RBL1: variants seen among roughly 807,000 people sequenced by gnomAD.
The protein encoded by RBL1 is retinoblastoma-like protein 1.
Under a neutral mutation model 123.0 loss-of-function variants are expected in RBL1, and 82 were observed. That is an observed-to-expected ratio of 0.67 (90% CI 0.56 to 0.80). RBL1 has a LOEUF of 0.80. Ranked by LOEUF, RBL1 falls within the 30% of genes least tolerant of loss-of-function variation. The pLI, the probability that RBL1 is intolerant of heterozygous loss-of-function variation, is 0.00. For synonymous variants in RBL1, 405 were observed against 441.3 expected, an observed-to-expected ratio of 0.92 and a Z score of 1.03; for missense variants, 1,171 against 1,299.6, an observed-to-expected ratio of 0.90 and a Z score of 1.52.
rs2063918538 is a variant in RBL1 at position 36,998,886 on chromosome 20, C to T, written c.3080G>A (p.Arg1027Lys). ...GATGGCTATTACTCGCTTCTTGGTT[C>T]TCTGCTCACCTTGCCTTATCATGTT... ...INNMIRQGEQ[R>K]TKKRVIAIDS... Residue 1027 changes from arginine to lysine, a missense_variant, in exon 22 of 22, where the codon AGA (arginine) becomes AAA (lysine). Coordinates refer to ENST00000373664, the MANE Select transcript of RBL1 (RefSeq NM_002895.5). The T allele has an allele frequency of 6.2e-7, 1 of 1,613,676 alleles. No individual in the cohort carries two copies. The highest frequency in any genetic ancestry group is 8.5e-7 in the Non-Finnish European group (1 of 1,179,756).
At chr20:37,005,868 C>A (rs914767501) in intron 20 of RBL1, among the ~76,000 whole-genome samples, 2 of 149,594 alleles carry the variant, frequency 1.3e-5, no homozygotes, top group Non-Finnish European at 3.0e-5. Flanking sequence ...TCTGCTAGGG[C>A]CTTCTTTTCT....
At position 37,003,853 on chromosome 20, in the gene RBL1, G is replaced by A; in HGVS notation, c.2885C>T (p.Pro962Leu). 1.2e-6 allele frequency: 2 copies of A among 1,605,398 alleles called. No individual in the cohort carries two copies. Among genetic ancestry groups the A allele is most frequent in the East Asian group, 4.5e-5 (2 of 44,806 alleles). The change falls in exon 21 of 22, where the codon CCA (proline) becomes CTA (leucine). Residue 962 changes from proline to leucine, a missense_variant. Coordinates refer to ENST00000373664, the MANE Select transcript of RBL1 (RefSeq NM_002895.5). ...TTTAATATGTGGAAAAGGAGAGAGT[G>A]GTGGAGCATCCATCTAAAATAACCC... The part of the protein sequence containing the change: ...ANQDHMMDAP[P>L]LSPFPHIKQQ...
chr20:37,043,162 GCACA>G (rs147834827), intron 13 of RBL1, among the ~76,000 whole-genome samples: 27 of 147,914 alleles, frequency 1.8e-4, no homozygotes, highest in South Asian at 1.7e-3. Flanking sequence ...ATGCGCGCGT[GCACA>G]CACACACACA....
Position 37,035,474 on chromosome 20 carries a change from T to C in RBL1, c.1938A>G (p.Glu646=), listed in dbSNP as rs549308077. 9 of 1,598,616 alleles carry C rather than the reference T, an allele frequency of 5.6e-6. No individual in the cohort carries two copies. Among genetic ancestry groups the C allele is most frequent in the South Asian group, 4.6e-5 (4 of 87,276 alleles). ...TCCCTGCGGTAGGAGAACTGTAGCGTTCATGGACAGAAATTGGAGACAATG... is the reference window on the plus strand; with the variant it reads ...TCCCTGCGGTAGGAGAACTGTAGCGCTCATGGACAGAAATTGGAGACAATG... ...MQPLSPISVH[E]RYSSPTAGSA... The change falls in exon 15 of 22, where the codon GAA becomes GAG. Residue 646 remains glutamate (E), a synonymous_variant. Coordinates refer to ENST00000373664, the MANE Select transcript of RBL1 (RefSeq NM_002895.5).
At chr20:37,095,011 T>G (rs1187619085) in intron 1 of RBL1, among the ~76,000 whole-genome samples, 2 of 152,194 alleles carry the variant, frequency 1.3e-5, no homozygotes, top group Non-Finnish European at 2.9e-5. Context: ...GAAAGCAGTC[T>G]AATACTCATT....
In RBL1 at chr20:37,067,131, G is replaced by GGAA; in HGVS notation, c.557-13_557-11dup. 1.3e-6 allele frequency: 2 copies of GGAA among 1,537,556 alleles called. No homozygotes were observed. Among genetic ancestry groups the GGAA allele is most frequent in the Non-Finnish European group, 1.7e-6 (2 of 1,150,362 alleles). ...ATCATCCGAAAATTACCTTTATAAG[G>GGAA]GAAAAAAAAAAAAAAAAGACACAAA... On this transcript the variant is annotated splice_polypyrimidine_tract_variant and intron_variant, in intron 4 of 21. Transcript: ENST00000373664.
intron 13 of RBL1, among the ~76,000 whole-genome samples, chr20:37,040,938 T>C (rs929891744): frequency 1.3e-5 from 2 of 152,188 alleles, no homozygotes; most frequent in African/African-American, 4.8e-5. Context: ...GCTTCAATAC[T>C]AATCCTTCTT....
intron 2 of RBL1, among the ~76,000 whole-genome samples, chr20:37,072,361 C>T (rs191106701): frequency 5.9e-5 from 9 of 152,068 alleles, no homozygotes; most frequent in African/African-American, 9.6e-5. Flanking sequence ...CCAGCTACTC[C>T]GGAGGCTGAG....
At chr20:37,001,930 A>C (rs1172706069) in intron 21 of RBL1, among the ~76,000 whole-genome samples, 64 of 151,078 alleles carry the variant, frequency 4.2e-4, no homozygotes, top group African/African-American at 1.0e-3. Context: ...AAAAAAAAAA[A>C]AAAAAAAAAA....
intron 14 of RBL1, among the ~76,000 whole-genome samples, chr20:37,036,618 T>C (rs554275312): frequency 1.4e-5 from 2 of 141,194 alleles, no homozygotes; most frequent in South Asian, 4.3e-4. Context: ...TGTAATCTAT[T>C]TTCTTTTCTT....
chr20:37,092,422 G>C (rs2065663998), intron 1 of RBL1, among the ~76,000 whole-genome samples: 1 of 151,918 alleles, frequency 6.6e-6, no homozygotes, highest in Non-Finnish European at 1.5e-5. Flanking sequence ...CTGCAGTCTT[G>C]ACTTCCCAGG....
intron 19 of RBL1, among the ~76,000 whole-genome samples, chr20:37,011,013 T>A (rs2064140538): frequency 6.6e-6 from 1 of 151,932 alleles, no homozygotes; most frequent in African/African-American, 2.4e-5. Flanking sequence ...CAGACAGGGG[T>A]CTTGCTGTGT....
Position 37,022,666 on chromosome 20 carries a change from A to G in RBL1, c.2543T>C (p.Phe848Ser), listed in dbSNP as rs2064359859. ...RHLDQLLLCA[F>S]YIMAKVTKEE... The stretch of plus-strand genomic sequence containing the variant: ...ATACATTACCTTTGCCATGATATAA[A>G]AGGCACAAAGGAGGAGCTGATCCAA... Residue 848 changes from phenylalanine to serine, a missense_variant, in exon 17 of 22, where the codon TTT becomes TCT. Physicochemically the swap from Phe to Ser is radical, Grantham distance 155 (BLOSUM62 -2). Transcript: ENST00000373664. The G allele has an allele frequency of 3.7e-6, 6 of 1,610,434 alleles. No individual in the cohort carries two copies. The highest frequency in any genetic ancestry group is 5.1e-6 in the Non-Finnish European group (6 of 1,178,374).
At chr20:37,007,112 G>A (rs1486254130) in intron 20 of RBL1, among the ~76,000 whole-genome samples, 6 of 152,042 alleles carry the variant, frequency 3.9e-5, no homozygotes, top group Non-Finnish European at 2.9e-5. Context: ...AGCTAGGCGT[G>A]GGGGCATGTG....
At chr20:37,035,116 T>TAA (rs11474723) in intron 15 of RBL1, 126 bp downstream of exon 15, 116,264 of 809,496 alleles carry the variant, frequency 0.14, 5,000 homozygotes, top group East Asian at 0.37. Context: ...CAAATCTATT[T>TAA]AAAAAAAAAA....
At chr20:37,070,010 G>A (rs978888692) in intron 2 of RBL1, among the ~76,000 whole-genome samples, 6 of 152,256 alleles carry the variant, frequency 3.9e-5, no homozygotes, top group Admixed American at 3.3e-4. Context: ...TGACAATGGC[G>A]GCTTTGTGGA....
chr20:37,052,010 A>AC (rs2064923067), intron 11 of RBL1, among the ~76,000 whole-genome samples: 1 of 151,772 alleles, frequency 6.6e-6, no homozygotes, highest in South Asian at 2.1e-4. Context: ...ACAGAGAGGA[A>AC]CATTTTATTT....
intron 2 of RBL1, among the ~76,000 whole-genome samples, chr20:37,087,739 A>T (rs1164166738): frequency 4.6e-5 from 7 of 152,206 alleles, no homozygotes; most frequent in African/African-American, 1.4e-4. Flanking sequence ...GCAATACCTG[A>T]TCCTTAATTA....
intron 20 of RBL1, among the ~76,000 whole-genome samples, chr20:37,006,584 T>A (rs1460531723): frequency 6.6e-6 from 1 of 150,668 alleles, no homozygotes; most frequent in Non-Finnish European, 1.5e-5. Context: ...CTCATGCCTG[T>A]AATCCCAGCA....
Sources: gnomAD v4.1 joint callset for allele counts (sites outside exome capture counted in the v4.1 genomes callset) on GRCh38, gnomAD v4.1.1 for gene constraint, MANE v1.5 for transcripts, NCBI Gene and HGNC (gene_info 2026-07-23, HGNC 2026-07-21) for gene names.